The following PECR variants were observed in gnomAD, a reference collection of about 807,000 sequenced individuals.
PECR encodes the protein 2,4-dienoyl-CoA reductase-related protein.
Under a neutral mutation model 35.3 loss-of-function variants are expected in PECR, and 30 were observed. That is an observed-to-expected ratio of 0.85 (90% CI 0.64 to 1.15). PECR has a LOEUF of 1.15. PECR is among the 50% of genes most tolerant of loss of function. The pLI, the probability that PECR is intolerant of heterozygous loss-of-function variation, is 0.00. For missense variants in PECR, 392 were observed against 370.8 expected (o/e 1.06, Z -0.47); for synonymous variants, 148 against 138.9 (o/e 1.07, Z -0.46).
intron 4 of PECR, among the ~76,000 whole-genome samples, chr2:216,052,619 G>A (rs537148949): frequency 6.6e-6 from 1 of 152,334 alleles, no homozygotes; most frequent in East Asian, 1.9e-4. Context: ...TCCTCCAGCT[G>A]CTTTTAAGAC....
At chr2:216,045,440 G>C (rs988009305) in intron 6 of PECR, among the ~76,000 whole-genome samples, 4 of 152,158 alleles carry the variant, frequency 2.6e-5, no homozygotes, top group African/African-American at 9.7e-5. Flanking sequence ...ATGCTCCGAG[G>C]GATGAAGAAA....
At chr2:216,080,246 T>G (rs1213053198) in intron 1 of PECR, among the ~76,000 whole-genome samples, 1 of 151,970 alleles carries the variant, frequency 6.6e-6, no homozygotes, top group Non-Finnish European at 1.5e-5. Context: ...CATGCCTGGT[T>G]TGTATTTTTA....
At chr2:216,050,137 G>A (rs1057034362) in intron 5 of PECR, among the ~76,000 whole-genome samples, 7 of 152,074 alleles carry the variant, frequency 4.6e-5, no homozygotes, top group Admixed American at 3.9e-4. Context: ...TGGGAGGATC[G>A]CTTGCGCCCA....
At chr2:216,035,688 T>C (rs1158370605), downstream of PECR, among the ~76,000 whole-genome samples, 1 of 152,000 alleles carries the variant, frequency 6.6e-6, no homozygotes, top group Non-Finnish European at 1.5e-5. Context: ...GGTTTCACCA[T>C]GTTGGCCAGG....
intron 3 of PECR, among the ~76,000 whole-genome samples, chr2:216,059,230 C>CA (rs1200603415): frequency 1.3e-5 from 2 of 152,150 alleles, no homozygotes; most frequent in Admixed American, 6.5e-5. Context: ...TCCATCACCC[C>CA]AAAAAGTTCC....
chr2:216,073,194 C>G (rs1695620307), intron 1 of PECR, among the ~76,000 whole-genome samples: 3 of 152,164 alleles, frequency 2.0e-5, no homozygotes, highest in African/African-American at 4.8e-5. Context: ...TTAGGAGAAG[C>G]TTACTCCTTT....
intron 1 of PECR, 26 bp downstream of exon 1, chr2:216,081,592 T>G: frequency 6.2e-7 from 1 of 1,613,608 alleles, no homozygotes; most frequent in South Asian, 1.1e-5. Flanking sequence ...CAGCCACCTC[T>G]CTGCACCAGC....
At chr2:216,034,969 G>A (rs904720006), downstream of PECR, among the ~76,000 whole-genome samples, 3 of 152,176 alleles carry the variant, frequency 2.0e-5, no homozygotes, top group Admixed American at 6.5e-5. Flanking sequence ...CAAGGTCAAC[G>A]GAGCTGTCAC....
chr2:216,043,067 G>GGGTA (rs1694924337), intron 7 of PECR, among the ~76,000 whole-genome samples: 1 of 45,558 alleles, frequency 2.2e-5, no homozygotes, highest in Non-Finnish European at 4.0e-5. Flanking sequence ...ACGTATATAT[G>GGGTA]TATGTATATA....
rs552518875 is a variant in PECR at position 216,068,885 on chromosome 2, G to A, written c.125-2367C>T. ...TAGTAATTATGTGAGTAAATATAAAGACTTTTCTTGTTTCTATTCAGATCT... is the reference window on the plus strand; with the variant it reads ...TAGTAATTATGTGAGTAAATATAAAAACTTTTCTTGTTTCTATTCAGATCT... On this transcript the variant is annotated intron_variant, in intron 1 of 7. Coordinates refer to ENST00000265322, the MANE Select transcript of PECR (RefSeq NM_018441.6). 2.2e-5 allele frequency among the ~76,000 whole-genome samples: 3 copies of A among 139,080 alleles called. 1 individual carries two copies. The highest frequency in any genetic ancestry group is 8.0e-5 in the African/African-American group (3 of 37,314). 91.2% of individuals were successfully genotyped at this position (139,080 alleles called of 152,430 possible).
At chr2:216,031,647 A>AAAAGAAAGAAAGAAAGAAAG (rs200929112) in intron 7 of PECR, among the ~76,000 whole-genome samples, 181 of 98,058 alleles carry the variant, frequency 1.8e-3, no homozygotes, top group East Asian at 2.3e-3. Context: ...AAGGAAGAAG[A>AAAAGAAAGAAAGAAAGAAAG]AAAGAAAGAA....
At chr2:216,062,784 C>G (rs1695381640) in intron 3 of PECR, among the ~76,000 whole-genome samples, 1 of 152,194 alleles carries the variant, frequency 6.6e-6, no homozygotes, top group African/African-American at 2.4e-5. Flanking sequence ...GCATATATAA[C>G]AGTGGTCCCA....
At chr2:216,037,858 G>A (rs1016551632), downstream of PECR, among the ~76,000 whole-genome samples, 5 of 150,864 alleles carry the variant, frequency 3.3e-5, no homozygotes, top group Admixed American at 2.0e-4. Context: ...GCCAAAGCGG[G>A]CAGATCACTT....
intron 6 of PECR, among the ~76,000 whole-genome samples, chr2:216,046,957 TTC>T (rs1487648458): frequency 1.3e-5 from 2 of 152,148 alleles, no homozygotes; most frequent in East Asian, 3.9e-4. Context: ...ACAGAGTAAA[TTC>T]TGTTTTCGTA....
At chr2:216,062,824 C>T (rs934582122) in intron 3 of PECR, among the ~76,000 whole-genome samples, 1 of 152,136 alleles carries the variant, frequency 6.6e-6, no homozygotes, top group African/African-American at 2.4e-5. Context: ...TTTTACTGTA[C>T]TTTTTCTATG....
chr2:216,032,734 C>T (rs923812202), intron 7 of PECR: 6 of 152,198 alleles, frequency 3.9e-5, no homozygotes, highest in African/African-American at 1.4e-4. Flanking sequence ...CCATGTTACC[C>T]CCATCCAAAT....
At position 216,063,386 on chromosome 2, in the gene PECR, G is replaced by A. The variant is rs540588802; in HGVS notation, c.424+1926C>T. ...TGTAATCCCAGCATTTTGGGAGGCC[G>A]AGGTGGGTGGATCACAAGGTCAGGA... On this transcript the variant is annotated intron_variant, in intron 3 of 7. Transcript: ENST00000265322. 4.6e-5 allele frequency among the ~76,000 whole-genome samples: 7 copies of A among 152,262 alleles called. No homozygotes were observed. In the South Asian group the frequency reaches 1.2e-3, roughly 27 times the overall value.
At chr2:216,039,872 A>C (rs1694856920) in intron 7 of PECR, among the ~76,000 whole-genome samples, 1 of 152,248 alleles carries the variant, frequency 6.6e-6, no homozygotes, top group Non-Finnish European at 1.5e-5. Context: ...CAGTCAGTGC[A>C]CTATAACCCC....
chr2:216,031,914 T>C (rs1475813235), intron 7 of PECR, among the ~76,000 whole-genome samples: 1 of 152,202 alleles, frequency 6.6e-6, no homozygotes, highest in Non-Finnish European at 1.5e-5. Context: ...ATTGAACCTC[T>C]CTACTTCTCC....
Sources: allele counts gnomAD v4.1 joint callset (sites outside exome capture counted in the v4.1 genomes callset), GRCh38; gene constraint gnomAD v4.1.1; transcripts MANE v1.5; gene names NCBI Gene and HGNC (gene_info 2026-07-23, HGNC 2026-07-21).